The following CPNE4 variants were observed in gnomAD, a reference collection of about 807,000 sequenced individuals.
CPNE4 encodes copine-4.
Under a neutral mutation model 67.9 loss-of-function variants are expected in CPNE4, and 25 were observed. The observed-to-expected ratio is 0.37, with a 90% CI of 0.27 to 0.51. CPNE4 has a LOEUF of 0.51. CPNE4 is among the 20% of genes least tolerant of loss of function. The pLI is 0.93. For missense variants in CPNE4, 464 were observed against 690.8 expected, an observed-to-expected ratio of 0.67 and a Z score of 3.68; for synonymous variants, 242 against 244.9, an observed-to-expected ratio of 0.99 and a Z score of 0.11.
chr3:131,998,291 C>A (rs1344502458), intron 1 of CPNE4, among the ~76,000 whole-genome samples: 1 of 152,100 alleles, frequency 6.6e-6, no homozygotes, highest in South Asian at 2.1e-4. Context: ...GCTGATCCCA[C>A]GTGTGTACTA....
intron 2 of CPNE4, among the ~76,000 whole-genome samples, chr3:131,731,292 G>T (rs2082121257): frequency 6.6e-6 from 1 of 152,228 alleles, no homozygotes; most frequent in African/African-American, 2.4e-5. Context: ...CAGCAGGGTT[G>T]CATCCTTGCT....
chr3:131,534,890 CAA>C lies in CPNE4; in HGVS notation c.*303_*304del, dbSNP rs1935046314. The C allele has an allele frequency of 4.9e-6, 1 of 205,062 alleles. No homozygotes were observed. Among genetic ancestry groups the C allele is most frequent in the Non-Finnish European group, 9.7e-6 (1 of 103,280 alleles). 12.7% of individuals were successfully genotyped at this position (205,062 alleles called of 1,614,324 possible). On this transcript the variant is annotated 3_prime_UTR_variant, in exon 16 of 16. Coordinates refer to ENST00000429747, the MANE Select transcript of CPNE4 (RefSeq NM_130808.3). ...GATAAGAAATTTAGCAAAATTTCAACAAACCTGTATAAAAAATGGATACAGAT... is the reference window on the plus strand; with the variant it reads ...GATAAGAAATTTAGCAAAATTTCAACACCTGTATAAAAAATGGATACAGAT...
At chr3:131,904,689 A>G (rs2088679031) in intron 2 of CPNE4, among the ~76,000 whole-genome samples, 1 of 151,894 alleles carries the variant, frequency 6.6e-6, no homozygotes, top group Non-Finnish European at 1.5e-5. Context: ...GCAGACAGAG[A>G]TTTCATGGGA....
At chr3:131,785,310 T>TC (rs1264062950) in intron 2 of CPNE4, among the ~76,000 whole-genome samples, 1 of 152,102 alleles carries the variant, frequency 6.6e-6, no homozygotes, top group Non-Finnish European at 1.5e-5. Context: ...CAAGCTATAG[T>TC]CCTGCCTTGA....
intron 4 of CPNE4, among the ~76,000 whole-genome samples, chr3:131,698,679 A>T (rs2081219538): frequency 6.6e-6 from 1 of 151,490 alleles, no homozygotes. Context: ...TGGGAAGCCG[A>T]GGGGGGCGGA....
In CPNE4 at chr3:131,535,487, T is replaced by C. The variant is rs552803247; in HGVS notation, c.1540-158A>G. On this transcript the variant is annotated intron_variant, in intron 15 of 15. Transcript: ENST00000429747. ...ACTTCAAGCAATAGTTGTCAGATTG[T>C]TGGAAAATGGACCTTTAATTTCATT... Among the ~76,000 whole-genome samples, 93 of 152,354 alleles carry C rather than the reference T, an allele frequency of 6.1e-4. 1 individual carries two copies. Among genetic ancestry groups the C allele is most frequent in the African/African-American group, 2.1e-3 (86 of 41,586 alleles).
chr3:131,695,351 CA>C, intron 5 of CPNE4, among the ~76,000 whole-genome samples: 1 of 152,238 alleles, frequency 6.6e-6, no homozygotes, highest in African/African-American at 2.4e-5. Context: ...ATTCTATGAG[CA>C]AGTGTTCATT....
intron 15 of CPNE4, among the ~76,000 whole-genome samples, chr3:131,540,137 C>T (rs970051460): frequency 2.0e-5 from 3 of 152,162 alleles, no homozygotes; most frequent in African/African-American, 7.2e-5. Context: ...ATGCACAGCC[C>T]TGGGAGCTTG....
intron 7 of CPNE4, among the ~76,000 whole-genome samples, chr3:131,666,580 G>A (rs1196817337): frequency 6.6e-6 from 1 of 152,124 alleles, no homozygotes; most frequent in East Asian, 1.9e-4. Flanking sequence ...CCAAATATGG[G>A]ACAACTTAAG....
intron 2 of CPNE4, among the ~76,000 whole-genome samples, chr3:131,855,960 T>C (rs1327738242): frequency 6.6e-6 from 1 of 151,816 alleles, no homozygotes; most frequent in Non-Finnish European, 1.5e-5. Flanking sequence ...TTCTGAGTTC[T>C]CCTCTGACTG....
intron 1 of CPNE4, among the ~76,000 whole-genome samples, chr3:131,996,388 C>G (rs564078349): frequency 6.6e-6 from 1 of 151,712 alleles, no homozygotes; most frequent in South Asian, 2.1e-4. Context: ...ATGAAAAAGT[C>G]AACAAGTAGG....
intron 1 of CPNE4, among the ~76,000 whole-genome samples, chr3:131,939,645 T>C (rs147673065): frequency 6.6e-6 from 1 of 152,302 alleles, no homozygotes; most frequent in East Asian, 1.9e-4. Context: ...TCAGTTTGGA[T>C]GATAAGTTAA....
chr3:131,741,237 T>A (rs2107779176), intron 2 of CPNE4, among the ~76,000 whole-genome samples: 1 of 152,248 alleles, frequency 6.6e-6, no homozygotes, highest in Admixed American at 6.5e-5. Context: ...AACAACTGAT[T>A]CAGTAAAGGC....
chr3:131,774,748 C>T (rs368535851), intron 2 of CPNE4, among the ~76,000 whole-genome samples: 1 of 152,134 alleles, frequency 6.6e-6, no homozygotes, highest in Non-Finnish European at 1.5e-5. Context: ...ACTTCCCTGC[C>T]TCTCGTCCAC....
At chr3:131,890,797 G>C (rs2088084456) in intron 2 of CPNE4, among the ~76,000 whole-genome samples, 1 of 152,056 alleles carries the variant, frequency 6.6e-6, no homozygotes, top group Non-Finnish European at 1.5e-5. Context: ...ATTTGCATCT[G>C]GAAGACATTA....
intron 10 of CPNE4, among the ~76,000 whole-genome samples, chr3:131,571,394 C>A (rs1389697877): frequency 6.6e-6 from 1 of 152,002 alleles, no homozygotes; most frequent in African/African-American, 2.4e-5. Flanking sequence ...TCCCCTGAAA[C>A]CTAGGTCCAT....
At chr3:131,703,707 T>C (rs1269834671) in intron 3 of CPNE4, among the ~76,000 whole-genome samples, 1 of 151,610 alleles carries the variant, frequency 6.6e-6, no homozygotes, top group African/African-American at 2.4e-5. Flanking sequence ...GCTGTTTTTA[T>C]TGAAAATATT....
chr3:131,856,334 A>C (rs915228390), intron 2 of CPNE4, among the ~76,000 whole-genome samples: 2 of 151,840 alleles, frequency 1.3e-5, no homozygotes, highest in Admixed American at 1.3e-4. Flanking sequence ...CTCCTGCCTC[A>C]GCCTCCCAAA....
intron 2 of CPNE4, among the ~76,000 whole-genome samples, chr3:131,764,558 T>G (rs552499555): frequency 1.9e-4 from 29 of 152,194 alleles, no homozygotes; most frequent in African/African-American, 7.0e-4. Context: ...GTGGTGAAAA[T>G]TGTACATTCC....
Sources: gnomAD v4.1 joint callset for allele counts (sites outside exome capture counted in the v4.1 genomes callset) on GRCh38, gnomAD v4.1.1 for gene constraint, MANE v1.5 for transcripts, NCBI Gene and HGNC (gene_info 2026-07-23, HGNC 2026-07-21) for gene names.